NKAIN2: variants seen among roughly 807,000 people sequenced by gnomAD.
NKAIN2 encodes the protein sodium/potassium-transporting ATPase subunit beta-1-interacting protein 2.
Under a neutral mutation model 32.6 loss-of-function variants are expected in NKAIN2, and 14 were observed. That is an observed-to-expected ratio of 0.43 (90% CI 0.28 to 0.67). NKAIN2 has a LOEUF of 0.67. Among genes scored for constraint, NKAIN2 ranks in the 30% least tolerant of loss-of-function variants. The probability of loss-of-function intolerance (pLI) is 0.17; values close to 1 mark genes in which losing one functional copy is unlikely to be tolerated. For missense variants in NKAIN2, 198 were observed against 258.3 expected, an observed-to-expected ratio of 0.77 and a Z score of 1.60; for synonymous variants, 80 against 87.2, an observed-to-expected ratio of 0.92 and a Z score of 0.46.
intron 3 of NKAIN2, among the ~76,000 whole-genome samples, chr6:124,363,270 CA>C (rs1161389387): frequency 6.6e-6 from 1 of 152,116 alleles, no homozygotes. Flanking sequence ...AAGTTGAAAA[CA>C]ACAGAGATCT....
intron 3 of NKAIN2, among the ~76,000 whole-genome samples, chr6:124,609,941 C>A (rs910258322): frequency 1.3e-5 from 2 of 151,988 alleles, no homozygotes; most frequent in Non-Finnish European, 2.9e-5. Flanking sequence ...ACCTTAAAAA[C>A]GAGGTTTGAT....
chr6:124,734,306 T>C lies in NKAIN2; in HGVS notation c.475-57033T>C, dbSNP rs532887374. Among the ~76,000 whole-genome samples, 41 of 151,920 alleles carry C rather than the reference T, an allele frequency of 2.7e-4. 1 individual carries two copies. The South Asian group carries it at 7.1e-3, about 26-fold the overall frequency. On this transcript the variant is annotated intron_variant, in intron 4 of 6. Coordinates refer to ENST00000368417, the MANE Select transcript of NKAIN2 (RefSeq NM_001040214.3). ...CTGTTATCTCTGCTGGGCTTTTAAT[T>C]ATCTCCCTCTAAATTATTATCATGG... is the stretch of plus-strand genomic sequence containing the variant.
At chr6:123,895,562 C>G (rs1448804706) in intron 1 of NKAIN2, among the ~76,000 whole-genome samples, 1 of 152,112 alleles carries the variant, frequency 6.6e-6, no homozygotes, top group Admixed American at 6.6e-5. Context: ...GGTCTACTTA[C>G]CTAGGGACAG....
At chr6:124,315,556 A>G (rs2115011097) in intron 2 of NKAIN2, among the ~76,000 whole-genome samples, 1 of 152,266 alleles carries the variant, frequency 6.6e-6, no homozygotes, top group East Asian at 1.9e-4. Flanking sequence ...GTTTCTAGAG[A>G]ATCAACATAT....
chr6:124,647,429 G>A (rs897546538), intron 3 of NKAIN2, among the ~76,000 whole-genome samples: 3 of 146,502 alleles, frequency 2.0e-5, no homozygotes, highest in Non-Finnish European at 3.0e-5. Flanking sequence ...AACCCAGGAG[G>A]TGGAGGGTCT....
chr6:124,662,856 T>C (rs1238308631), intron 4 of NKAIN2, among the ~76,000 whole-genome samples: 1 of 152,154 alleles, frequency 6.6e-6, no homozygotes, highest in Non-Finnish European at 1.5e-5. Flanking sequence ...ATTTTATTTT[T>C]AAGATTTGAA....
chr6:123,985,485 T>A (rs1169238634), intron 1 of NKAIN2, among the ~76,000 whole-genome samples: 2 of 152,190 alleles, frequency 1.3e-5, no homozygotes, highest in East Asian at 3.8e-4. Flanking sequence ...GGTCTACATG[T>A]ACTGTCCTGG....
chr6:124,125,108 A>T (rs1368310493), intron 1 of NKAIN2, among the ~76,000 whole-genome samples: 1 of 152,212 alleles, frequency 6.6e-6, no homozygotes, highest in African/African-American at 2.4e-5. Flanking sequence ...ATATTTTTAA[A>T]TAACAGTGGC....
chr6:124,103,355 A>C (rs769455653), intron 1 of NKAIN2, among the ~76,000 whole-genome samples: 1 of 152,216 alleles, frequency 6.6e-6, no homozygotes, highest in South Asian at 2.1e-4. Flanking sequence ...CCATGTTCAC[A>C]TTAAATTTTC....
rs536235755 is a variant in NKAIN2 at position 124,684,260 on chromosome 6, C to T, written c.474+25874C>T. Among the ~76,000 whole-genome samples, 10 of 152,214 alleles carry T rather than the reference C, an allele frequency of 6.6e-5. No homozygotes were observed. In the South Asian group the frequency reaches 1.7e-3, roughly 25 times the overall value. On this transcript the variant is annotated intron_variant, in intron 4 of 6. Transcript: ENST00000368417. ...TTCCATTTTTTAAAAGACATAACAG[C>T]AGTTAACAGCCTAATGACTTGTAGT...
chr6:124,624,118 T>C (rs747496382), intron 3 of NKAIN2, among the ~76,000 whole-genome samples: 44 of 152,124 alleles, frequency 2.9e-4, no homozygotes, highest in Non-Finnish European at 6.0e-4. Context: ...TACATGCTCT[T>C]AAGAAGGAAG....
intron 3 of NKAIN2, among the ~76,000 whole-genome samples, chr6:124,622,397 A>G (rs1783139950): frequency 6.6e-6 from 1 of 152,186 alleles, no homozygotes; most frequent in Admixed American, 6.5e-5. Context: ...TAGGAGGTGC[A>G]GAGACCAGGT....
At chr6:124,752,855 G>C (rs72977763) in intron 4 of NKAIN2, among the ~76,000 whole-genome samples, 1 of 152,010 alleles carries the variant, frequency 6.6e-6, no homozygotes, top group South Asian at 2.1e-4. Flanking sequence ...CTTGTGAAAT[G>C]AATCTGACAT....
chr6:124,181,592 G>A (rs983990667), intron 1 of NKAIN2, among the ~76,000 whole-genome samples: 4 of 152,122 alleles, frequency 2.6e-5, no homozygotes, highest in Non-Finnish European at 5.9e-5. Context: ...CCTCTTGAAT[G>A]CTTTGCTGCT....
chr6:124,486,888 T>A (rs971428436), intron 3 of NKAIN2, among the ~76,000 whole-genome samples: 2 of 152,096 alleles, frequency 1.3e-5, no homozygotes, highest in Non-Finnish European at 2.9e-5. Context: ...TCTTCAGTTT[T>A]GATTATGATT....
intron 1 of NKAIN2, chr6:124,121,992 T>C (rs937892713): frequency 3.5e-6 from 2 of 579,438 alleles, no homozygotes; most frequent in Non-Finnish European, 5.3e-6. Context: ...GGGTAATATA[T>C]ATTTGAAGAA....
At chr6:123,813,028 A>T (rs552591065) in intron 1 of NKAIN2, among the ~76,000 whole-genome samples, 5 of 152,254 alleles carry the variant, frequency 3.3e-5, no homozygotes, top group Non-Finnish European at 1.5e-5. Context: ...GTTCGGTGGT[A>T]GGGAATTCAT....
chr6:124,636,524 AAG>A lies in NKAIN2; in HGVS notation c.274-21658_274-21657del, dbSNP rs1237882217. ...AAATCAATAATCCATGATGCAGACT[AAG>A]AGAAAAGGGGAGAAGACCCAAATAA... is the stretch of plus-strand genomic sequence containing the variant. On this transcript the variant is annotated intron_variant, in intron 3 of 6. Coordinates refer to ENST00000368417, the MANE Select transcript of NKAIN2 (RefSeq NM_001040214.3). 4.6e-5 allele frequency among the ~76,000 whole-genome samples: 7 copies of A among 151,882 alleles called. No homozygotes were observed. In the South Asian group the frequency reaches 1.4e-3, roughly 31 times the overall value.
At chr6:124,539,341 C>T (rs1269779322) in intron 3 of NKAIN2, among the ~76,000 whole-genome samples, 1 of 152,142 alleles carries the variant, frequency 6.6e-6, no homozygotes, top group Non-Finnish European at 1.5e-5. Flanking sequence ...AATATCTCTC[C>T]TGCTGCCTTC....
Sources: gnomAD v4.1 joint callset for allele counts (sites outside exome capture counted in the v4.1 genomes callset) on GRCh38, gnomAD v4.1.1 for gene constraint, MANE v1.5 for transcripts, NCBI Gene and HGNC (gene_info 2026-07-23, HGNC 2026-07-21) for gene names.